ENOX1: variants seen among roughly 807,000 people sequenced by gnomAD.
The protein encoded by ENOX1 is candidate growth-related and time keeping constitutive hydroquinone (NADH) oxidase.
A neutral mutation model predicts 82.5 loss-of-function variants in ENOX1; 42 were observed. The ratio of observed to expected loss-of-function variants is 0.51; its 90% CI spans 0.40 to 0.66. The LOEUF (loss-of-function observed/expected upper bound fraction) is 0.66. ENOX1 is among the 30% of genes least tolerant of loss of function. The pLI, the probability that ENOX1 is intolerant of heterozygous loss-of-function variation, is 0.00. For synonymous variants in ENOX1, 271 were observed against 282.2 expected, an observed-to-expected ratio of 0.96 and a Z score of 0.40; for missense variants, 608 against 811.6, an observed-to-expected ratio of 0.75 and a Z score of 3.05.
At chr13:43,422,560 G>A (rs1490197727) in intron 3 of ENOX1, among the ~76,000 whole-genome samples, 3 of 152,070 alleles carry the variant, frequency 2.0e-5, no homozygotes, top group African/African-American at 4.8e-5. Context: ...TCTTAGAGAG[G>A]ACATGGTTTC....
intron 1 of ENOX1, among the ~76,000 whole-genome samples, chr13:43,706,023 G>A (rs139092715): frequency 6.6e-6 from 1 of 151,814 alleles, no homozygotes; most frequent in South Asian, 2.1e-4. Flanking sequence ...GAAATTACCA[G>A]GCCTCTCAGA....
At chr13:43,679,208 G>T (rs1488856872) in intron 1 of ENOX1, among the ~76,000 whole-genome samples, 2 of 152,158 alleles carry the variant, frequency 1.3e-5, no homozygotes, top group Admixed American at 6.5e-5. Context: ...AATTCCTTGA[G>T]GGTTTTTTAA....
In ENOX1 at chr13:43,651,695, T is replaced by TAAAAAAAAAAAAAAA. The variant is rs57810969; in HGVS notation, c.-219+15783_-219+15784insTTTTTTTTTTTTTTT. On this transcript the variant is annotated intron_variant, in intron 2 of 16. Coordinates refer to ENST00000690772, the MANE Select transcript of ENOX1 (RefSeq NM_001347969.2). The stretch of plus-strand genomic sequence containing the variant: ...CTGGGCGACATAGCGAGACTCTGTC[T>TAAAAAAAAAAAAAAA]AAAAAAAAAAATCACACCTATAATC... Among the ~76,000 whole-genome samples, 56 of 96,950 alleles carry TAAAAAAAAAAAAAAA rather than the reference T, an allele frequency of 5.8e-4. 2 individuals carry two copies. Among genetic ancestry groups the TAAAAAAAAAAAAAAA allele is most frequent in the African/African-American group, 1.4e-3 (40 of 28,636 alleles). The allele number at this position is 96,950 out of a possible 152,430, so 63.6% of individuals were successfully genotyped here. A position where few individuals can be genotyped will look rare whatever the true frequency, so the allele number is the denominator to read the frequency against.
Position 43,715,913 on chromosome 13 carries a change from C to A in ENOX1, c.-284-48369G>T, listed in dbSNP as rs564591700. ...GCCTTGGCTTTCAGCTCCATCAGCT[C>A]CTTTAAGGACTTCTCTGCATTGGTT... is the stretch of plus-strand genomic sequence containing the variant. On this transcript the variant is annotated intron_variant, in intron 1 of 16. Coordinates refer to ENST00000690772, the MANE Select transcript of ENOX1 (RefSeq NM_001347969.2). Among the ~76,000 whole-genome samples the A allele has an allele frequency of 1.4e-3, 216 of 152,140 alleles. 1 individual carries two copies. The highest frequency in any genetic ancestry group is 0.01 in the Middle Eastern group (3 of 294).
At position 43,610,661 on chromosome 13, in the gene ENOX1, G is replaced by C. The variant is rs2082161800; in HGVS notation, c.-219+56818C>G. Among the ~76,000 whole-genome samples the C allele has an allele frequency of 2.0e-5, 3 of 152,032 alleles. No homozygotes were observed. The South Asian group carries it at 6.2e-4, about 32-fold the overall frequency. The stretch of plus-strand genomic sequence containing the variant: ...AGTTATTCATATTCAGGAGGGCAGA[G>C]GTAACTCTCACAGATATGGTTACAA... On this transcript the variant is annotated intron_variant, in intron 2 of 16. Coordinates refer to ENST00000690772, the MANE Select transcript of ENOX1 (RefSeq NM_001347969.2).
intron 5 of ENOX1, among the ~76,000 whole-genome samples, chr13:43,402,292 A>G (rs2053543094): frequency 6.6e-6 from 1 of 152,236 alleles, no homozygotes; most frequent in Admixed American, 6.5e-5. Flanking sequence ...GCTGGAGGTC[A>G]TAGTTACTCT....
Position 43,265,451 on chromosome 13 carries a change from T to C in ENOX1, c.1558A>G (p.Lys520Glu), listed in dbSNP as rs1337118132. 6 of 1,611,960 alleles carry C rather than the reference T, an allele frequency of 3.7e-6. No individual in the cohort carries two copies. Among genetic ancestry groups the C allele is most frequent in the Non-Finnish European group, 5.1e-6 (6 of 1,178,932 alleles). ...GTCTCGACCAATTCCTTGGTACCTTTTAACTGCAAATTTTAAGGAAAAACA... is the reference window on the plus strand; with the variant it reads ...GTCTCGACCAATTCCTTGGTACCTTCTAACTGCAAATTTTAAGGAAAAACA... ...ALLKVLQEQL[K>E]GTKELVETNG... Residue 520 changes from lysine (K) to glutamate (E), a missense_variant, in exon 14 of 17, where the codon AAA (lysine) becomes GAA (glutamate). By Grantham distance (56) the Lys-to-Glu change is moderately conservative. Coordinates refer to ENST00000690772, the MANE Select transcript of ENOX1 (RefSeq NM_001347969.2).
chr13:43,410,662 A>T (rs1313017867), intron 5 of ENOX1, among the ~76,000 whole-genome samples: 1 of 151,452 alleles, frequency 6.6e-6, no homozygotes, highest in East Asian at 1.9e-4. Context: ...ATATTACTAC[A>T]GTTAATTTGG....
intron 2 of ENOX1, chr13:43,547,557 C>T (rs2079024821): frequency 6.6e-6 from 1 of 152,166 alleles, no homozygotes; most frequent in Non-Finnish European, 1.5e-5. Flanking sequence ...TTTCTACATA[C>T]TCACCAGATA....
intron 14 of ENOX1, among the ~76,000 whole-genome samples, chr13:43,243,173 C>A (rs1460157193): frequency 1.3e-5 from 2 of 150,788 alleles, no homozygotes; most frequent in Non-Finnish European, 3.0e-5. Context: ...GAGTCCAGGT[C>A]CTTCCTAATG....
rs1434035964 is a variant in ENOX1 at position 43,723,990 on chromosome 13, T to C, written c.-284-56446A>G. Among the ~76,000 whole-genome samples the C allele has an allele frequency of 1.1e-4, 16 of 152,210 alleles. 1 individual carries two copies. Among genetic ancestry groups the C allele is most frequent in the Non-Finnish European group, 4.4e-5 (3 of 68,030 alleles). On this transcript the variant is annotated intron_variant, in intron 1 of 16. Coordinates refer to ENST00000690772, the MANE Select transcript of ENOX1 (RefSeq NM_001347969.2). ...CTCTTCACATCACTAGGGTAGTTTTTATATTTGAAACCACATCATAAATTA... is the reference window on the plus strand; with the variant it reads ...CTCTTCACATCACTAGGGTAGTTTTCATATTTGAAACCACATCATAAATTA...
At chr13:43,436,459 C>A (rs1314178382) in intron 3 of ENOX1, among the ~76,000 whole-genome samples, 3 of 152,020 alleles carry the variant, frequency 2.0e-5, no homozygotes, top group Non-Finnish European at 4.4e-5. Flanking sequence ...AGACCAAAAA[C>A]AATACCTAAA....
At chr13:43,570,465 A>G (rs2080128518) in intron 2 of ENOX1, among the ~76,000 whole-genome samples, 1 of 152,202 alleles carries the variant, frequency 6.6e-6, no homozygotes, top group Non-Finnish European at 1.5e-5. Context: ...GAAGAATGAT[A>G]AGGAAGAACC....
Position 43,651,902 on chromosome 13 carries a change from G to A in ENOX1, c.-219+15577C>T, listed in dbSNP as rs1055391318. Among the ~76,000 whole-genome samples the A allele has an allele frequency of 2.0e-5, 3 of 148,452 alleles. No homozygotes were observed. The Admixed American group carries it at 2.0e-4, about 10-fold the overall frequency. On this transcript the variant is annotated intron_variant, in intron 2 of 16. Transcript: ENST00000690772. ...AGGCAGGAGAATCACTTGAACCCAG[G>A]AGTCGGAGGTTGCGGTGAGATGAGA...
chr13:43,311,460 C>T (rs2047199323), intron 11 of ENOX1, among the ~76,000 whole-genome samples: 1 of 151,966 alleles, frequency 6.6e-6, no homozygotes, highest in African/African-American at 2.4e-5. Flanking sequence ...TTAACAAAAT[C>T]TTGCCCCCCT....
chr13:43,395,800 G>A (rs949534036), intron 5 of ENOX1, among the ~76,000 whole-genome samples: 1 of 152,194 alleles, frequency 6.6e-6, no homozygotes, highest in Non-Finnish European at 1.5e-5. Flanking sequence ...CTCATTCAAA[G>A]AAGCCCATGC....
At chr13:43,251,327 T>A (rs1489415616) in intron 14 of ENOX1, among the ~76,000 whole-genome samples, 1 of 152,238 alleles carries the variant, frequency 6.6e-6, no homozygotes, top group Non-Finnish European at 1.5e-5. Context: ...AAGGAAGATT[T>A]GTACTTCTCA....
At chr13:43,529,090 T>A (rs1050836880) in intron 2 of ENOX1, among the ~76,000 whole-genome samples, 19 of 151,984 alleles carry the variant, frequency 1.3e-4, no homozygotes, top group Admixed American at 3.9e-4. Flanking sequence ...CGTGTTACAG[T>A]AGCCCCTCCA....
chr13:43,215,196 CAAG>C (rs1262070542), intron 16 of ENOX1, among the ~76,000 whole-genome samples: 1 of 152,082 alleles, frequency 6.6e-6, no homozygotes, highest in Non-Finnish European at 1.5e-5. Flanking sequence ...CCAAATAGAC[CAAG>C]AAGTCAAATC....
Sources: gnomAD v4.1 joint callset for allele counts (sites outside exome capture counted in the v4.1 genomes callset) on GRCh38, gnomAD v4.1.1 for gene constraint, MANE v1.5 for transcripts, NCBI Gene and HGNC (gene_info 2026-07-23, HGNC 2026-07-21) for gene names.